Variants in CDH10 observed in about 807,000 individuals in gnomAD.
The protein encoded by CDH10 is cadherin 10, also known as cadherin-10.
CDH10 carries 30 observed loss-of-function variants against 73.1 expected under a neutral mutation model. The observed-to-expected ratio is 0.41, with a 90% CI of 0.31 to 0.56. CDH10 has a LOEUF of 0.56. Ranked by LOEUF, CDH10 falls within the 20% of genes least tolerant of loss-of-function variation. The probability of loss-of-function intolerance (pLI) is 0.27; values close to 1 mark genes in which losing one functional copy is unlikely to be tolerated. For synonymous variants in CDH10, 345 were observed against 348.2 expected, an observed-to-expected ratio of 0.99 and a Z score of 0.10; for missense variants, 815 against 973.7, an observed-to-expected ratio of 0.84 and a Z score of 2.17.
At chr5:24,612,237 G>T (rs1007076450) in intron 1 of CDH10, 31 of 152,140 alleles carry the variant, frequency 2.0e-4, no homozygotes, top group Non-Finnish European at 2.9e-5. Flanking sequence ...AAAGGTATCA[G>T]TTGCTTATGA....
intron 1 of CDH10, among the ~76,000 whole-genome samples, chr5:24,628,035 T>G (rs1275044980): frequency 2.0e-5 from 3 of 152,272 alleles, no homozygotes; most frequent in South Asian, 4.1e-4. Flanking sequence ...GTGTAAGCTC[T>G]ACATCATATT....
intron 9 of CDH10, among the ~76,000 whole-genome samples, chr5:24,494,313 GA>G (rs1742180185): frequency 6.6e-6 from 1 of 151,754 alleles, no homozygotes; most frequent in African/African-American, 2.4e-5. Context: ...TCAATTCAGT[GA>G]AAAAACATTT....
chr5:24,540,002 T>C (rs1330068548), intron 2 of CDH10, among the ~76,000 whole-genome samples: 7 of 152,054 alleles, frequency 4.6e-5, no homozygotes, highest in African/African-American at 1.4e-4. Context: ...GTTATATTTA[T>C]TCTCTATGCA....
At chr5:24,516,094 T>A (rs906512403) in intron 5 of CDH10, among the ~76,000 whole-genome samples, 2 of 152,188 alleles carry the variant, frequency 1.3e-5, no homozygotes, top group African/African-American at 4.8e-5. Context: ...CCTGACACTT[T>A]TAAAGAATAC....
At chr5:24,626,614 T>TA (rs1162755033) in intron 1 of CDH10, among the ~76,000 whole-genome samples, 2 of 151,832 alleles carry the variant, frequency 1.3e-5, no homozygotes, top group Non-Finnish European at 2.9e-5. Context: ...AAATTTTTAT[T>TA]AAAAAATATA....
intron 8 of CDH10, among the ~76,000 whole-genome samples, chr5:24,503,360 TG>T (rs569052739): frequency 1.4e-3 from 218 of 152,276 alleles, no homozygotes; most frequent in African/African-American, 4.9e-3. Flanking sequence ...CATCACACCA[TG>T]GGAATTAGCA....
intron 2 of CDH10, among the ~76,000 whole-genome samples, chr5:24,577,260 A>G (rs1270984671): frequency 6.6e-6 from 1 of 152,142 alleles, no homozygotes; most frequent in Admixed American, 6.5e-5. Flanking sequence ...CTATTGGCTG[A>G]TTATTTGTGA....
At position 24,558,438 on chromosome 5, in the gene CDH10, G is replaced by A. The variant is rs150754395; in HGVS notation, c.232-20764C>T. Among the ~76,000 whole-genome samples the A allele has an allele frequency of 3.4e-3, 519 of 151,652 alleles. 3 individuals carry two copies. The highest frequency in any genetic ancestry group is 0.011 in the African/African-American group (472 of 41,464). On this transcript the variant is annotated intron_variant, in intron 2 of 11. Coordinates refer to ENST00000264463, the MANE Select transcript of CDH10 (RefSeq NM_006727.5). Reference sequence around the variant, plus strand: ...AGGAATTACAATAAATTAAATAATAGTAACTATTCAAATGAAAATCTTTTT... The same window carrying A: ...AGGAATTACAATAAATTAAATAATAATAACTATTCAAATGAAAATCTTTTT...
intron 5 of CDH10, among the ~76,000 whole-genome samples, chr5:24,523,876 T>A (rs961141268): frequency 2.0e-5 from 3 of 152,104 alleles, no homozygotes; most frequent in Non-Finnish European, 4.4e-5. Context: ...GAATCTAAAT[T>A]TTTTAAAATT....
chr5:24,520,172 T>G (rs1296756126), intron 5 of CDH10, among the ~76,000 whole-genome samples: 1 of 152,156 alleles, frequency 6.6e-6, no homozygotes, highest in East Asian at 1.9e-4. Context: ...TATGTAGACA[T>G]AGGTCATATA....
Position 24,504,523 on chromosome 5 carries a change from T to G in CDH10, c.1393+589A>C, listed in dbSNP as rs1235494856. ...CTATTAATCTTTTTTTTTTTTTTTT[T>G]TTTTTTTTTTTTTTTTTTTTAAGAT... On this transcript the variant is annotated intron_variant, in intron 8 of 11. Coordinates refer to ENST00000264463, the MANE Select transcript of CDH10 (RefSeq NM_006727.5). 6.6e-4 allele frequency among the ~76,000 whole-genome samples: 81 copies of G among 122,118 alleles called. 6 individuals carry two copies. Among genetic ancestry groups the G allele is most frequent in the Middle Eastern group, 4.1e-3 (1 of 246 alleles). The allele number at this position is 122,118 out of a possible 152,430, so 80.1% of individuals were successfully genotyped here. A position where few individuals can be genotyped will look rare whatever the true frequency, so the allele number is the denominator to read the frequency against.
At chr5:24,498,253 CAT>C (rs2111681271) in intron 9 of CDH10, 143 bp downstream of exon 9, 1 of 455,724 alleles carries the variant, frequency 2.2e-6, no homozygotes, top group South Asian at 6.9e-5. Context: ...CCTTTAAAAA[CAT>C]CAGTTATGGT....
intron 2 of CDH10, among the ~76,000 whole-genome samples, chr5:24,576,889 G>A (rs1411408831): frequency 6.6e-6 from 1 of 151,852 alleles, no homozygotes; most frequent in African/African-American, 2.4e-5. Flanking sequence ...GATCACTAAT[G>A]AGCAATATTG....
intron 10 of CDH10, among the ~76,000 whole-genome samples, chr5:24,492,137 C>CA (rs1321503042): frequency 6.6e-6 from 1 of 152,034 alleles, no homozygotes; most frequent in Non-Finnish European, 1.5e-5. Context: ...TTTCTCTTTT[C>CA]AAAAAACCTA....
chr5:24,607,116 T>A (rs1031016857), intron 1 of CDH10, among the ~76,000 whole-genome samples: 3 of 152,178 alleles, frequency 2.0e-5, no homozygotes, highest in Admixed American at 6.5e-5. Context: ...AGTGCAACAG[T>A]GCATAAAATA....
chr5:24,537,772 A>G, intron 2 of CDH10, 98 bp from the exon 3 acceptor site: 1 of 704,210 alleles, frequency 1.4e-6, no homozygotes, highest in Non-Finnish European at 2.4e-6. Flanking sequence ...TCACTGAGCA[A>G]CGGGGTCGGC....
chr5:24,575,056 T>C (rs1256995081), intron 2 of CDH10, among the ~76,000 whole-genome samples: 1 of 152,010 alleles, frequency 6.6e-6, no homozygotes, highest in Non-Finnish European at 1.5e-5. Context: ...TAATTTCACA[T>C]TCAAAATGTC....
intron 1 of CDH10, among the ~76,000 whole-genome samples, chr5:24,623,121 G>A (rs556360945): frequency 6.6e-5 from 10 of 152,258 alleles, no homozygotes; most frequent in African/African-American, 9.6e-5. Flanking sequence ...GCAGGAAGAA[G>A]ATATGACTGG....
chr5:24,601,451 T>C (rs1468710081), intron 1 of CDH10, among the ~76,000 whole-genome samples: 1 of 152,170 alleles, frequency 6.6e-6, no homozygotes, highest in Non-Finnish European at 1.5e-5. Flanking sequence ...TACATGCTAA[T>C]GTCCTTATCT....
Sources: gnomAD v4.1 joint callset for allele counts (sites outside exome capture counted in the v4.1 genomes callset) on GRCh38, gnomAD v4.1.1 for gene constraint, MANE v1.5 for transcripts, NCBI Gene and HGNC (gene_info 2026-07-23, HGNC 2026-07-21) for gene names.